Variants in TOM1L2 observed in about 807,000 individuals in gnomAD.
TOM1L2 encodes the protein TOM1-like protein 2.
In TOM1L2, 31 loss-of-function variants were observed where a neutral mutation model predicts 67.9. That is an observed-to-expected ratio of 0.46 (90% CI 0.34 to 0.62). TOM1L2 has a LOEUF of 0.62. TOM1L2 is among the 20% of genes least tolerant of loss of function. The probability of loss-of-function intolerance (pLI) is 0.01; values close to 1 mark genes in which losing one functional copy is unlikely to be tolerated. For missense variants in TOM1L2, 606 were observed against 663.5 expected (o/e 0.91, Z 0.95); for synonymous variants, 256 against 254.0 (o/e 1.01, Z -0.07).
chr17:17,849,453 T>C (rs2143471328), intron 13 of TOM1L2, among the ~76,000 whole-genome samples: 1 of 152,366 alleles, frequency 6.6e-6, no homozygotes, highest in East Asian at 1.9e-4. Context: ...TGCAGCCTCC[T>C]GGGAGCTGCA....
chr17:17,870,617 G>A (rs1007711743), intron 7 of TOM1L2, among the ~76,000 whole-genome samples: 4 of 152,180 alleles, frequency 2.6e-5, no homozygotes, highest in African/African-American at 9.7e-5. Flanking sequence ...GCCTCAAAAC[G>A]ACTTCATTTT....
intron 1 of TOM1L2, among the ~76,000 whole-genome samples, chr17:17,939,385 T>C (rs527994888): frequency 2.6e-4 from 39 of 152,340 alleles, no homozygotes; most frequent in Non-Finnish European, 4.9e-4. Context: ...TTAAAAAATA[T>C]ATGACATTAT....
At chr17:17,911,659 A>G (rs1008042326) in intron 1 of TOM1L2, among the ~76,000 whole-genome samples, 5 of 150,678 alleles carry the variant, frequency 3.3e-5, no homozygotes, top group Non-Finnish European at 5.9e-5. Context: ...TTTTTTTTTA[A>G]TTTTTTTATT....
intron 1 of TOM1L2, among the ~76,000 whole-genome samples, chr17:17,930,608 G>A (rs553027139): frequency 1.3e-5 from 2 of 152,196 alleles, no homozygotes; most frequent in South Asian, 4.1e-4. Flanking sequence ...TCACTGCCCT[G>A]TTCCAGCCCT....
At chr17:17,945,766 A>T (rs1278745315) in intron 1 of TOM1L2, among the ~76,000 whole-genome samples, 2 of 152,274 alleles carry the variant, frequency 1.3e-5, no homozygotes, top group African/African-American at 4.8e-5. Context: ...CCATTTAAAA[A>T]AAGAGAAAAA....
rs768809501 is a variant in TOM1L2 at position 17,866,896 on chromosome 17, C to T, written c.940G>A (p.Val314Ile). 38 of 1,613,840 alleles carry T rather than the reference C, an allele frequency of 2.4e-5. 1 individual carries two copies. The Middle Eastern group carries it at 5.0e-4, about 21-fold the overall frequency. Residue 314 changes from valine to isoleucine, a missense_variant, in exon 9 of 15, where the codon GTT (valine) becomes ATT (isoleucine). Physicochemically the swap from Val to Ile is conservative, Grantham distance 29. Coordinates refer to ENST00000379504, the MANE Select transcript of TOM1L2 (RefSeq NM_001082968.2). ...RFERYRSGRS[V>I]QNASNGVLNE... ...CTTACTCCATTACTGGCATTTTGAA[C>T]GGATCGGCCAGACCTGTATCGTTCG...
At chr17:17,860,561 C>G (rs1484350086) in intron 12 of TOM1L2, among the ~76,000 whole-genome samples, 1 of 152,208 alleles carries the variant, frequency 6.6e-6, no homozygotes, top group African/African-American at 2.4e-5. Context: ...AAATTGGGAC[C>G]CAGTAAGCAA....
intron 7 of TOM1L2, among the ~76,000 whole-genome samples, chr17:17,874,661 A>G (rs1189810171): frequency 2.0e-5 from 3 of 152,240 alleles, no homozygotes; most frequent in Non-Finnish European, 4.4e-5. Context: ...ATGAGCCCCA[A>G]GGGCACAGAA....
At chr17:17,908,485 G>C (rs1392150576) in intron 1 of TOM1L2, among the ~76,000 whole-genome samples, 1 of 152,014 alleles carries the variant, frequency 6.6e-6, no homozygotes, top group Non-Finnish European at 1.5e-5. Flanking sequence ...GGCATCAAAG[G>C]ACACAACACA....
At chr17:17,872,168 C>T (rs751768019) in intron 7 of TOM1L2, 4 of 375,434 alleles carry the variant, frequency 1.1e-5, no homozygotes, top group Non-Finnish European at 1.5e-5. Flanking sequence ...ACACTCATTA[C>T]AGAATGAAGC....
At chr17:17,945,525 T>C (rs1462712272) in intron 1 of TOM1L2, among the ~76,000 whole-genome samples, 1 of 152,208 alleles carries the variant, frequency 6.6e-6, no homozygotes, top group African/African-American at 2.4e-5. Flanking sequence ...GATGAAAAGA[T>C]AGACCCTCTC....
At chr17:17,871,010 G>A (rs2143866245) in intron 7 of TOM1L2, among the ~76,000 whole-genome samples, 1 of 152,276 alleles carries the variant, frequency 6.6e-6, no homozygotes, top group Non-Finnish European at 1.5e-5. Flanking sequence ...TATTTCCCTG[G>A]TACCCATGAC....
At position 17,882,751 on chromosome 17, in the gene TOM1L2, G is replaced by C; in HGVS notation, c.614C>G (p.Ala205Gly). The part of the protein sequence containing the change: ...PPPAPYSAPQ[A>G]PALSVTGPIT... ...GGGGCCAGTCACACTCAGAGCTGGGGCCTGCGGTGCGGAGTAGGGAGCAGG... is the reference window on the plus strand; with the variant it reads ...GGGGCCAGTCACACTCAGAGCTGGGCCCTGCGGTGCGGAGTAGGGAGCAGG... The change falls in exon 6 of 15, where the codon GCC becomes GGC. Residue 205 changes from alanine (A) to glycine (G), a missense_variant. By Grantham distance (60) the Ala-to-Gly change is moderately conservative. Transcript: ENST00000379504. 6.2e-7 allele frequency: 1 copy of C among 1,614,244 alleles called. No homozygotes were observed. The highest frequency in any genetic ancestry group is 8.5e-7 in the Non-Finnish European group (1 of 1,180,054).
chr17:17,849,625 G>A (rs532489904), intron 13 of TOM1L2, among the ~76,000 whole-genome samples: 10 of 152,204 alleles, frequency 6.6e-5, no homozygotes, highest in Non-Finnish European at 1.3e-4. Context: ...CTGGGGAAGA[G>A]CAGCATGTGC....
intron 2 of TOM1L2, among the ~76,000 whole-genome samples, chr17:17,899,601 A>T (rs565331243): frequency 6.6e-6 from 1 of 152,306 alleles, no homozygotes; most frequent in South Asian, 2.1e-4. Context: ...CTAACTCAGG[A>T]TTCAACAAAG....
At chr17:17,957,079 A>G (rs1438195637) in intron 1 of TOM1L2, among the ~76,000 whole-genome samples, 2 of 152,236 alleles carry the variant, frequency 1.3e-5, no homozygotes, top group Non-Finnish European at 2.9e-5. Context: ...CCTGGGCTCA[A>G]GCAATCCTCC....
At position 17,889,519 on chromosome 17, in the gene TOM1L2, C is replaced by T. The variant is rs543892712; in HGVS notation, c.366+4142G>A. 4.6e-5 allele frequency among the ~76,000 whole-genome samples: 7 copies of T among 152,288 alleles called. 1 individual carries two copies. The South Asian group carries it at 1.2e-3, about 27-fold the overall frequency. On this transcript the variant is annotated intron_variant, in intron 4 of 14. Transcript: ENST00000379504. ...CTGCTTCCACCATCCTCAGGGCAACCAAAGGGGCAGTGGGCTTTGGCCAGC... is the reference window on the plus strand; with the variant it reads ...CTGCTTCCACCATCCTCAGGGCAACTAAAGGGGCAGTGGGCTTTGGCCAGC...
chr17:17,864,919 C>T (rs1260708950), intron 10 of TOM1L2, among the ~76,000 whole-genome samples: 2 of 152,142 alleles, frequency 1.3e-5, no homozygotes, highest in Non-Finnish European at 1.5e-5. Flanking sequence ...GCTACAATTA[C>T]AGCAACTGAT....
intron 2 of TOM1L2, among the ~76,000 whole-genome samples, chr17:17,901,335 C>G (rs1201057038): frequency 6.6e-6 from 1 of 152,186 alleles, no homozygotes; most frequent in East Asian, 1.9e-4. Context: ...AAGAAAGGAT[C>G]AGGAAGAATC....
Sources: allele counts gnomAD v4.1 joint callset (sites outside exome capture counted in the v4.1 genomes callset), GRCh38; gene constraint gnomAD v4.1.1; transcripts MANE v1.5; gene names NCBI Gene and HGNC (gene_info 2026-07-23, HGNC 2026-07-21).